The following PDXDC1 variants were observed in gnomAD, a reference collection of about 807,000 sequenced individuals.
PDXDC1 encodes pyridoxal dependent decarboxylase domain containing 1, also known as pyridoxal-dependent decarboxylase domain-containing protein 1.
PDXDC1 carries 42 observed loss-of-function variants against 100.1 expected under a neutral mutation model. The observed-to-expected ratio is 0.42, with a 90% CI of 0.33 to 0.54. The LOEUF is 0.54. PDXDC1 is among the 20% of genes least tolerant of loss of function. The probability of loss-of-function intolerance (pLI) is 0.10; values close to 1 mark genes in which losing one functional copy is unlikely to be tolerated. For missense variants in PDXDC1, 636 were observed against 979.2 expected (o/e 0.65, Z 4.68); for synonymous variants, 260 against 371.7 (o/e 0.70, Z 3.46).
chr16:15,052,802 G>A (rs1567773657), intron 16 of PDXDC1, among the ~76,000 whole-genome samples: 1 of 151,986 alleles, frequency 6.6e-6, no homozygotes, highest in African/African-American at 2.4e-5. Context: ...TCCAGCCTGG[G>A]TGACAGAGCA....
At chr16:15,125,873 C>A in intron 16 of PDXDC1, 1 of 783,912 alleles carries the variant, frequency 1.3e-6, no homozygotes, top group South Asian at 1.4e-5. Flanking sequence ...GATGAGAAGC[C>A]ACCTCCTCAG....
intron 16 of PDXDC1, chr16:15,074,530 A>C: frequency 2.1e-6 from 1 of 469,798 alleles, no homozygotes; most frequent in East Asian, 3.3e-5. Context: ...AATATAACTC[A>C]GCCAGAATCC....
chr16:15,125,888 C>T, intron 16 of PDXDC1: 1 of 716,584 alleles, frequency 1.4e-6, no homozygotes, highest in Non-Finnish European at 2.5e-6. Flanking sequence ...CCTCAGCAGA[C>T]AGGACAGAGC....
At chr16:14,989,058 A>G (rs1398730719) in intron 1 of PDXDC1, 32 of 1,614,102 alleles carry the variant, frequency 2.0e-5, no homozygotes, top group Non-Finnish European at 2.2e-5. Flanking sequence ...GCAGGAGAGC[A>G]TGTAATAGAG....
intron 16 of PDXDC1, chr16:15,047,897 C>G: frequency 1.2e-6 from 2 of 1,613,766 alleles, no homozygotes; most frequent in Non-Finnish European, 1.7e-6. Flanking sequence ...GTGGCATCAT[C>G]AGAACCCAGA....
intron 1 of PDXDC1, among the ~76,000 whole-genome samples, chr16:14,983,171 T>C (rs1255368932): frequency 1.3e-5 from 2 of 152,282 alleles, no homozygotes; most frequent in African/African-American, 2.4e-5. Context: ...AAAAAAACTT[T>C]GTTGAAACGA....
At chr16:15,147,782 G>A in the PDXDC1 span, among the ~76,000 whole-genome samples, 56 of 151,918 alleles carry the variant, frequency 3.7e-4, 1 homozygote, top group African/African-American at 9.9e-4. Context: ...TCCGCCTCCC[G>A]GGTTCAAGTG....
intron 16 of PDXDC1, among the ~76,000 whole-genome samples, chr16:15,089,685 AG>A (rs2046045917): frequency 6.8e-6 from 1 of 147,670 alleles, no homozygotes; most frequent in Non-Finnish European, 1.5e-5. Context: ...GTGTAGTCTC[AG>A]CTACTTGGGA....
chr16:15,080,082 A>G lies in PDXDC1; in HGVS notation c.1399+50026A>G, dbSNP rs1413271670. The G allele has an allele frequency of 5.6e-6, 9 of 1,599,024 alleles. No homozygotes were observed. The African/African-American group carries it at 1.1e-4, about 19-fold the overall frequency. On this transcript the variant is annotated intron_variant, in intron 16 of 16. Transcript: ENST00000535621. ...AATATACACTAATCCTTAGTAAGTT[A>G]TGAACGTAACATTCCTAAAGGAGAA... is the stretch of plus-strand genomic sequence containing the variant.
rs1970378215 is a variant in PDXDC1, at chr16:14,990,023, G to A, written c.22-7730G>A. ...CCCAGGACCAGGGAAGCAGGTGCAG[G>A]CCGCCCGCCGCCCGCTGCGCGCCGG... On this transcript the variant is annotated intron_variant, in intron 1 of 22. Coordinates refer to ENST00000396410, the MANE Select transcript of PDXDC1 (RefSeq NM_015027.4). 2.7e-6 allele frequency: 4 copies of A among 1,473,578 alleles called. No homozygotes were observed. The South Asian group carries it at 3.8e-5, about 14-fold the overall frequency. 91.3% of individuals were successfully genotyped at this position (1,473,578 alleles called of 1,614,324 possible). A position where few individuals can be genotyped will look rare whatever the true frequency, so the allele number is the denominator to read the frequency against.
intron 16 of PDXDC1, among the ~76,000 whole-genome samples, chr16:15,073,448 G>A (rs1253140953): frequency 4.6e-5 from 7 of 151,934 alleles, no homozygotes; most frequent in African/African-American, 1.2e-4. Context: ...GAGTAAGACC[G>A]TGGCTATTTA....
chr16:15,031,202 C>T (rs1321910131), intron 16 of PDXDC1, among the ~76,000 whole-genome samples: 1 of 147,562 alleles, frequency 6.8e-6, no homozygotes, highest in Non-Finnish European at 1.5e-5. Context: ...AGTGATCCTC[C>T]TGGCTCAGAT....
chr16:15,130,262 G>C, intron 16 of PDXDC1: 15 of 1,547,080 alleles, frequency 9.7e-6, no homozygotes, highest in Non-Finnish European at 1.2e-5. Context: ...AGGCGGTGAG[G>C]TGGCGGGTGA....
At chr16:15,059,680 G>A (rs1348780665) in intron 16 of PDXDC1, among the ~76,000 whole-genome samples, 1 of 152,120 alleles carries the variant, frequency 6.6e-6, no homozygotes, top group Non-Finnish European at 1.5e-5. Flanking sequence ...GCTTTTTAGT[G>A]AAAGGAAAAA....
downstream of PDXDC1, among the ~76,000 whole-genome samples, chr16:15,142,568 G>GCCC (rs1277926323): frequency 6.6e-6 from 1 of 152,068 alleles, no homozygotes; most frequent in Non-Finnish European, 1.5e-5. Flanking sequence ...GGGTGTGGAA[G>GCCC]CATCTGCCCT....
chr16:15,011,631 C>CTTTTTTTTTTTTTTTTTTTGTTTTTTTCT (rs2041287168), intron 8 of PDXDC1, among the ~76,000 whole-genome samples: 1 of 131,276 alleles, frequency 7.6e-6, no homozygotes, highest in Non-Finnish European at 1.6e-5. Context: ...ACATTTTTTT[C>CTTTTTTTTTTTTTTTTTTTGTTTTTTTCT]TTTTTTTTTT....
rs2151670667 is a variant in PDXDC1 at position 15,037,287 on chromosome 16, C to G, written c.*1012C>G. On this transcript the variant is annotated 3_prime_UTR_variant, in exon 23 of 23. Transcript: ENST00000396410. ...TTCCTACTTTTCCGAAGTACTGCGT[C>G]ACTTTGTCGTAAGTAATGGCCCCTG... 6.6e-6 allele frequency: 1 copy of G among 152,346 alleles called. No homozygotes were observed. Among genetic ancestry groups the G allele is most frequent in the African/African-American group, 2.4e-5 (1 of 41,570 alleles). 9.4% of individuals were successfully genotyped at this position (152,346 alleles called of 1,614,324 possible). A position where few individuals can be genotyped will look rare whatever the true frequency, so the allele number is the denominator to read the frequency against.
At chr16:15,124,420 A>G (rs1175826778) in intron 16 of PDXDC1, among the ~76,000 whole-genome samples, 1 of 152,124 alleles carries the variant, frequency 6.6e-6, no homozygotes, top group Middle Eastern at 3.2e-3. Context: ...TGATGCTACA[A>G]ATAGAAAGCC....
At chr16:15,005,093 T>C (rs1425887877) in intron 5 of PDXDC1, among the ~76,000 whole-genome samples, 1 of 152,276 alleles carries the variant, frequency 6.6e-6, no homozygotes, top group Non-Finnish European at 1.5e-5. Context: ...GCACGGTGGC[T>C]CACGCCTGTA....
Sources: gnomAD v4.1 joint callset for allele counts (sites outside exome capture counted in the v4.1 genomes callset) on GRCh38, gnomAD v4.1.1 for gene constraint, MANE v1.5 for transcripts, NCBI Gene and HGNC (gene_info 2026-07-23, HGNC 2026-07-21) for gene names.